Variants in PCCA observed in about 807,000 individuals in gnomAD.
PCCA encodes the protein propionyl-CoA carboxylase alpha chain, mitochondrial.
A neutral mutation model predicts 101.3 loss-of-function variants in PCCA; 74 were observed. The observed-to-expected ratio is 0.73, with a 90% CI of 0.61 to 0.89. The LOEUF (loss-of-function observed/expected upper bound fraction) is 0.89. PCCA is among the 40% of genes least tolerant of loss of function. The pLI is 0.00. For synonymous variants in PCCA, 294 were observed against 313.6 expected, an observed-to-expected ratio of 0.94 and a Z score of 0.66; for missense variants, 891 against 907.0, an observed-to-expected ratio of 0.98 and a Z score of 0.23.
intron 7 of PCCA, among the ~76,000 whole-genome samples, chr13:100,217,408 C>T (rs1253399908): frequency 6.6e-6 from 1 of 150,714 alleles, no homozygotes; most frequent in Non-Finnish European, 1.5e-5. Flanking sequence ...CATGCCACTG[C>T]ACCCCAGCCT....
chr13:100,478,397 C>T (rs2083597235), intron 21 of PCCA, among the ~76,000 whole-genome samples: 1 of 152,194 alleles, frequency 6.6e-6, no homozygotes, highest in African/African-American at 2.4e-5. Context: ...CTTTCCCTCC[C>T]ACTCTGGAAC....
In PCCA at chr13:100,355,086, G is replaced by A. The variant is rs183692096; in HGVS notation, c.1644-13386G>A. 1.1e-3 allele frequency among the ~76,000 whole-genome samples: 174 copies of A among 152,152 alleles called. 2 individuals are homozygous for A. Among genetic ancestry groups the A allele is most frequent in the Admixed American group, 5.4e-3 (82 of 15,274 alleles). On this transcript the variant is annotated intron_variant, in intron 18 of 23. Transcript: ENST00000376285. ...CCAAATAGTGGCAAACTGAATCCAA[G>A]AATATATACAGTGATATACATCATA...
chr13:100,404,872 G>T (rs2077580539), intron 19 of PCCA, among the ~76,000 whole-genome samples: 2 of 152,172 alleles, frequency 1.3e-5, no homozygotes, highest in African/African-American at 4.8e-5. Flanking sequence ...GGCTTAATCA[G>T]CAGGAATCAG....
At chr13:100,445,085 G>A (rs958277906) in intron 20 of PCCA, among the ~76,000 whole-genome samples, 5 of 152,148 alleles carry the variant, frequency 3.3e-5, no homozygotes, top group Non-Finnish European at 7.3e-5. Context: ...AAGGCAAAGG[G>A]GAGCTGGTGT....
intron 19 of PCCA, among the ~76,000 whole-genome samples, chr13:100,375,438 CATTGATCTA>C (rs2075843116): frequency 6.6e-6 from 1 of 152,182 alleles, no homozygotes; most frequent in Non-Finnish European, 1.5e-5. Context: ...TTTTCTGTCT[CATTGATCTA>C]ATATTGACAG....
intron 21 of PCCA, chr13:100,464,659 A>C (rs886793291): frequency 2.0e-5 from 3 of 152,182 alleles, no homozygotes; most frequent in African/African-American, 7.2e-5. Flanking sequence ...CCCTTAACAT[A>C]GTTAATGTTT....
chr13:100,282,590 G>A (rs2064222910), intron 12 of PCCA, among the ~76,000 whole-genome samples: 1 of 152,206 alleles, frequency 6.6e-6, no homozygotes, highest in African/African-American at 2.4e-5. Context: ...TGTGGAGGTT[G>A]TACTGGGTCC....
At chr13:100,450,356 T>G (rs2783222) in intron 21 of PCCA, among the ~76,000 whole-genome samples, 17,535 of 151,764 alleles carry the variant, frequency 0.12, 1,818 homozygotes, top group African/African-American at 0.28. Flanking sequence ...ATTGTGCCAC[T>G]GCCCTCTAGC....
chr13:100,507,912 T>C (rs1353189171), intron 21 of PCCA, among the ~76,000 whole-genome samples: 1 of 152,152 alleles, frequency 6.6e-6, no homozygotes, highest in Non-Finnish European at 1.5e-5. Context: ...AGCCTTGGCC[T>C]CCCAAAGTGC....
At chr13:100,429,040 A>G (rs899438409) in intron 20 of PCCA, among the ~76,000 whole-genome samples, 2 of 152,108 alleles carry the variant, frequency 1.3e-5, no homozygotes, top group African/African-American at 4.8e-5. Context: ...GGAGGCAAAG[A>G]GAGAAGTCAG....
At position 100,102,787 on chromosome 13, in the gene PCCA, C is replaced by T. The variant is rs2047389249; in HGVS notation, c.106-96C>T. On this transcript the variant is annotated intron_variant, in intron 1 of 23. Coordinates refer to ENST00000376285, the MANE Select transcript of PCCA (RefSeq NM_000282.4). ...CCTAGAACTACATTTATTGATCAGA[C>T]ACGTTCGCTAGAACCTAACTGGAAG... 5.1e-6 allele frequency: 4 copies of T among 790,442 alleles called. No homozygotes were observed. The Admixed American group carries it at 7.4e-5, about 15-fold the overall frequency. The allele number at this position is 790,442 out of a possible 1,614,324, so 49.0% of individuals were successfully genotyped here.
chr13:100,320,665 G>A (rs983516827), intron 16 of PCCA, among the ~76,000 whole-genome samples: 16 of 152,240 alleles, frequency 1.1e-4, no homozygotes, highest in East Asian at 9.7e-4. Context: ...TTGCATCCCA[G>A]GGATGAAGCC....
intron 8 of PCCA, among the ~76,000 whole-genome samples, chr13:100,254,732 T>C (rs868668617): frequency 7.9e-5 from 12 of 152,194 alleles, no homozygotes; most frequent in African/African-American, 2.9e-4. Flanking sequence ...CATAAGAAGT[T>C]GAGTAGAAAA....
At chr13:100,254,570 A>G (rs2061957674) in intron 8 of PCCA, among the ~76,000 whole-genome samples, 1 of 152,166 alleles carries the variant, frequency 6.6e-6, no homozygotes, top group Non-Finnish European at 1.5e-5. Context: ...TTAGAGTGGC[A>G]GGGACACAAG....
At chr13:100,505,149 A>G (rs141010431) in intron 21 of PCCA, among the ~76,000 whole-genome samples, 5 of 152,330 alleles carry the variant, frequency 3.3e-5, no homozygotes, top group African/African-American at 7.2e-5. Context: ...AAAAAAGCCC[A>G]CCTCATATTG....
rs190168219 is a variant in PCCA at position 100,386,557 on chromosome 13, A to C, written c.1746+17983A>C. 8.5e-4 allele frequency among the ~76,000 whole-genome samples: 129 copies of C among 152,096 alleles called. 1 individual carries two copies. The highest frequency in any genetic ancestry group is 4.1e-3 in the Admixed American group (63 of 15,268). On this transcript the variant is annotated intron_variant, in intron 19 of 23. Coordinates refer to ENST00000376285, the MANE Select transcript of PCCA (RefSeq NM_000282.4). ...CCACCATGCCTGGCTAATTTTTTGTATTTTTAGTACAGACGTGGTTTCACT... is the reference window on the plus strand; with the variant it reads ...CCACCATGCCTGGCTAATTTTTTGTCTTTTTAGTACAGACGTGGTTTCACT...
rs573020121 is a variant in PCCA at position 100,217,229 on chromosome 13, G to A, written c.600+7766G>A. On this transcript the variant is annotated intron_variant, in intron 7 of 23. Coordinates refer to ENST00000376285, the MANE Select transcript of PCCA (RefSeq NM_000282.4). The stretch of plus-strand genomic sequence containing the variant: ...TGGGAGGCCGAGGTGGGTGGATCAT[G>A]AGGTCAGGAGTTCGAGACCAGCCTG... Among the ~76,000 whole-genome samples the A allele has an allele frequency of 1.2e-4, 18 of 152,282 alleles. No homozygotes were observed. The East Asian group carries it at 2.9e-3, about 24-fold the overall frequency.
chr13:100,409,571 C>T (rs992605485), intron 19 of PCCA, among the ~76,000 whole-genome samples: 1 of 152,104 alleles, frequency 6.6e-6, no homozygotes, highest in African/African-American at 2.4e-5. Context: ...TCCTGAGGCT[C>T]CACCCCAGTG....
chr13:100,507,083 G>A (rs1473725921), intron 21 of PCCA, among the ~76,000 whole-genome samples: 1 of 152,066 alleles, frequency 6.6e-6, no homozygotes, highest in Non-Finnish European at 1.5e-5. Flanking sequence ...TTGAGTACAT[G>A]GCTTTCAAAG....
Sources: gnomAD v4.1 joint callset for allele counts (sites outside exome capture counted in the v4.1 genomes callset) on GRCh38, gnomAD v4.1.1 for gene constraint, MANE v1.5 for transcripts, NCBI Gene and HGNC (gene_info 2026-07-23, HGNC 2026-07-21) for gene names.